DIMT1: variants seen among roughly 807,000 people sequenced by gnomAD.
DIMT1 encodes the protein DIM1 rRNA methyltransferase and ribosome maturation factor.
Under a neutral mutation model 43.2 loss-of-function variants are expected in DIMT1, and 36 were observed. The observed-to-expected ratio is 0.83, with a 90% confidence interval of 0.64 to 1.10. DIMT1 has a LOEUF of 1.10. Among genes scored for constraint, DIMT1 ranks in the 50% least tolerant of loss-of-function variants. DIMT1 has a pLI of 0.00. For synonymous variants in DIMT1, 126 were observed against 130.3 expected, an observed-to-expected ratio of 0.97 and a Z score of 0.22; for missense variants, 341 against 385.3, an observed-to-expected ratio of 0.88 and a Z score of 0.96.
At chr5:62,390,013 G>A (rs1742230890) in intron 11 of DIMT1, among the ~76,000 whole-genome samples, 1 of 152,160 alleles carries the variant, frequency 6.6e-6, no homozygotes, top group Admixed American at 6.5e-5. Flanking sequence ...TGACTCAGTA[G>A]TACTGCTAGC....
At chr5:62,395,909 G>A (rs1370563982) in intron 6 of DIMT1, among the ~76,000 whole-genome samples, 3 of 152,100 alleles carry the variant, frequency 2.0e-5, no homozygotes, top group Non-Finnish European at 4.4e-5. Flanking sequence ...AAGAGGCTGA[G>A]GTAGGAGAAT....
At chr5:62,389,758 T>C (rs1233224229) in intron 11 of DIMT1, among the ~76,000 whole-genome samples, 2 of 152,112 alleles carry the variant, frequency 1.3e-5, no homozygotes, top group African/African-American at 4.8e-5. Context: ...TTGTTTATAT[T>C]CAAATTAAAT....
chr5:62,403,300 A>G lies in DIMT1; in HGVS notation c.126T>C (p.Pro42=). 1 of 1,613,996 alleles carries G rather than the reference A, an allele frequency of 6.2e-7. No homozygotes were observed. Residue 42 remains proline (P), a synonymous_variant, in exon 2 of 12, where the codon CCT becomes CCC. Transcript: ENST00000199320. The stretch of plus-strand genomic sequence containing the variant: ...TATCGATAATGCTGTTAATAATGAG[A>G]GGATTTTTCAAAATGTGCTGCCCAA... ...TGIGQHILKN[P]LIINSIIDKA...
At chr5:62,391,244 A>G (rs896323345) in intron 10 of DIMT1, 19 of 346,016 alleles carry the variant, frequency 5.5e-5, no homozygotes, top group African/African-American at 2.7e-4. Context: ...AATAGTTATT[A>G]GTTTCAGACT....
At chr5:62,395,231 G>A (rs1742444282) in intron 6 of DIMT1, among the ~76,000 whole-genome samples, 1 of 151,814 alleles carries the variant, frequency 6.6e-6, no homozygotes, top group Non-Finnish European at 1.5e-5. Flanking sequence ...CACCATGTTG[G>A]CCAGGCTGGT....
rs758847833 is a variant in DIMT1, at chr5:62,396,139, G to GTTTTTTT, written c.447-1539_447-1533dup. Reference sequence around the variant, plus strand: ...GGGGAATTTAGCCATGTCACTGCAGGTTTTTTTTTTTTACATTATTAACTG... The same window carrying GTTTTTTT: ...GGGGAATTTAGCCATGTCACTGCAGGTTTTTTTTTTTTTTTTTTTACATTATTAACTG... On this transcript the variant is annotated intron_variant, in intron 6 of 11. Transcript: ENST00000199320. Among the ~76,000 whole-genome samples, 10 of 116,760 alleles carry GTTTTTTT rather than the reference G, an allele frequency of 8.6e-5. 2 individuals carry two copies. Among genetic ancestry groups the GTTTTTTT allele is most frequent in the Non-Finnish European group, 1.5e-4 (9 of 58,698 alleles). The allele number at this position is 116,760 out of a possible 152,430, so 76.6% of individuals were successfully genotyped here.
chr5:62,397,009 G>A (rs984404729), intron 6 of DIMT1, among the ~76,000 whole-genome samples: 3 of 152,170 alleles, frequency 2.0e-5, no homozygotes, highest in Non-Finnish European at 4.4e-5. Context: ...GAGTGCAGTG[G>A]CACAATCTTG....
chr5:62,403,222 G>T (rs1327685124), intron 2 of DIMT1, 51 bp downstream of exon 2: 9 of 1,521,720 alleles, frequency 5.9e-6, no homozygotes, highest in Admixed American at 1.7e-5. Flanking sequence ...GTATTCATAG[G>T]AATAAAATTA....
intron 3 of DIMT1, among the ~76,000 whole-genome samples, chr5:62,399,915 A>T (rs1481106619): frequency 2.0e-5 from 3 of 152,144 alleles, no homozygotes; most frequent in Non-Finnish European, 4.4e-5. Flanking sequence ...AAAAACAAAC[A>T]AACAAACAAA....
chr5:62,395,938 G>A (rs901925064), intron 6 of DIMT1, among the ~76,000 whole-genome samples: 1 of 152,070 alleles, frequency 6.6e-6, no homozygotes, highest in Non-Finnish European at 1.5e-5. Flanking sequence ...CCCAGCCCAG[G>A]GAGGCTGAGG....
At chr5:62,400,033 T>C (rs1470731389) in intron 3 of DIMT1, among the ~76,000 whole-genome samples, 1 of 152,074 alleles carries the variant, frequency 6.6e-6, no homozygotes, top group Non-Finnish European at 1.5e-5. Flanking sequence ...ATTCAACAGA[T>C]GATGAAAAAA....
At chr5:62,391,630 T>G in intron 10 of DIMT1, 4 of 1,002,368 alleles carry the variant, frequency 4.0e-6, no homozygotes, top group Non-Finnish European at 4.9e-6. Flanking sequence ...CTCTCTGTTC[T>G]AATTAAACTG....
chr5:62,402,077 T>C lies in DIMT1; in HGVS notation c.199A>G (p.Thr67Ala). Residue 67 changes from threonine (T) to alanine (A), a missense_variant, in exon 3 of 12, where the codon ACT becomes GCT. Coordinates refer to ENST00000199320, the MANE Select transcript of DIMT1 (RefSeq NM_014473.4). ...AACAACTTTACAGTCATGTTGCCAGTTCCAGGTCCAACTTCCAGCACTACA... is the reference window on the plus strand; with the variant it reads ...AACAACTTTACAGTCATGTTGCCAGCTCCAGGTCCAACTTCCAGCACTACA... ...TDVVLEVGPG[T>A]GNMTVKLLEK... 1.2e-6 allele frequency: 2 copies of C among 1,614,006 alleles called. No individual in the cohort carries two copies. The highest frequency in any genetic ancestry group is 1.7e-6 in the Non-Finnish European group (2 of 1,179,964).
At chr5:62,393,484 G>T (rs1426561525) in intron 8 of DIMT1, among the ~76,000 whole-genome samples, 5 of 152,106 alleles carry the variant, frequency 3.3e-5, no homozygotes, top group Non-Finnish European at 7.4e-5. Context: ...ATTCAAAACA[G>T]ACATGACTTC....
At position 62,402,124 on chromosome 5, in the gene DIMT1, T is replaced by C; in HGVS notation, c.154-2A>G. On this transcript the variant is annotated splice_acceptor_variant, in intron 2 of 11. Transcript: ENST00000199320. LOFTEE classifies it high-confidence loss of function. ...TACATCAGTTGGTCTTAAGGCAGCC[T>C]AAAAGCAAGCACAAACACTTTAGCT... 3 of 1,613,806 alleles carry C rather than the reference T, an allele frequency of 1.9e-6. No homozygotes were observed. The highest frequency in any genetic ancestry group is 2.5e-6 in the Non-Finnish European group (3 of 1,179,816).
At chr5:62,402,681 A>T (rs1341281761) in intron 2 of DIMT1, among the ~76,000 whole-genome samples, 4 of 152,200 alleles carry the variant, frequency 2.6e-5, no homozygotes, top group Non-Finnish European at 5.9e-5. Context: ...TTCAAATGAC[A>T]CGAAGCCTGA....
At chr5:62,399,695 A>T (rs1742630000) in intron 3 of DIMT1, among the ~76,000 whole-genome samples, 1 of 151,296 alleles carries the variant, frequency 6.6e-6, no homozygotes, top group South Asian at 2.1e-4. Context: ...TCATGAGTTC[A>T]GGAGACTGAG....
intron 11 of DIMT1, among the ~76,000 whole-genome samples, chr5:62,390,462 A>G (rs540473381): frequency 4.6e-5 from 7 of 152,348 alleles, no homozygotes; most frequent in African/African-American, 1.2e-4. Flanking sequence ...AACAACAGCT[A>G]TTCCCAGTAA....
At chr5:62,400,244 A>G (rs114944607) in intron 3 of DIMT1, among the ~76,000 whole-genome samples, 2,166 of 152,124 alleles carry the variant, frequency 0.014, 28 homozygotes, top group Non-Finnish European at 0.024. Flanking sequence ...CTTTATTTTT[A>G]TTAAAAAATA....
Sources: gnomAD v4.1 joint callset for allele counts (sites outside exome capture counted in the v4.1 genomes callset) on GRCh38, gnomAD v4.1.1 for gene constraint, MANE v1.5 for transcripts, NCBI Gene and HGNC (gene_info 2026-07-23, HGNC 2026-07-21) for gene names.